Variants in SPIDR observed in about 807,000 individuals in gnomAD.
The protein encoded by SPIDR is scaffold protein involved in DNA repair, also known as DNA repair-scaffolding protein.
Under a neutral mutation model 104.6 loss-of-function variants are expected in SPIDR, and 93 were observed. That is an observed-to-expected ratio of 0.89 (90% CI 0.75 to 1.06). SPIDR has a LOEUF of 1.06. Ranked by LOEUF, SPIDR falls within the 50% of genes least tolerant of loss-of-function variation. The pLI is 0.00. For synonymous variants in SPIDR, 431 were observed against 416.9 expected, an observed-to-expected ratio of 1.03 and a Z score of -0.41; for missense variants, 1,154 against 1,111.2, an observed-to-expected ratio of 1.04 and a Z score of -0.55.
intron 8 of SPIDR, among the ~76,000 whole-genome samples, chr8:47,584,636 A>G (rs986794577): frequency 6.6e-6 from 1 of 152,244 alleles, no homozygotes; most frequent in South Asian, 2.1e-4. Context: ...TCTGCAAACT[A>G]GGAGGTTCTA....
chr8:47,548,543 G>A (rs535819365), intron 8 of SPIDR, among the ~76,000 whole-genome samples: 1 of 152,230 alleles, frequency 6.6e-6, no homozygotes, highest in Non-Finnish European at 1.5e-5. Context: ...AGCTACTCGG[G>A]AGGCTGAGGC....
chr8:47,541,060 A>G, intron 8 of SPIDR, among the ~76,000 whole-genome samples: 1 of 152,154 alleles, frequency 6.6e-6, no homozygotes, highest in East Asian at 1.9e-4. Flanking sequence ...GGGTTTTACC[A>G]TGTTGACCAG....
At chr8:47,482,299 G>A (rs972777468) in intron 8 of SPIDR, among the ~76,000 whole-genome samples, 6 of 152,088 alleles carry the variant, frequency 3.9e-5, no homozygotes, top group Non-Finnish European at 7.4e-5. Flanking sequence ...GCCGAGCATA[G>A]TGGGGTGTGC....
At chr8:47,518,401 A>C (rs192664685) in intron 8 of SPIDR, among the ~76,000 whole-genome samples, 1 of 152,196 alleles carries the variant, frequency 6.6e-6, no homozygotes, top group Admixed American at 6.5e-5. Flanking sequence ...GAAGTGTACA[A>C]ATGTTTACAG....
intron 8 of SPIDR, among the ~76,000 whole-genome samples, chr8:47,568,531 T>G (rs2058155498): frequency 6.6e-6 from 1 of 152,158 alleles, no homozygotes; most frequent in Non-Finnish European, 1.5e-5. Flanking sequence ...AAGTCTCTGG[T>G]AAATTTCAGA....
At chr8:47,424,128 C>T (rs2066029478) in intron 7 of SPIDR, among the ~76,000 whole-genome samples, 2 of 152,018 alleles carry the variant, frequency 1.3e-5, no homozygotes, top group African/African-American at 4.8e-5. Context: ...ACTTGGTGGC[C>T]CATGTTCATA....
chr8:47,490,187 G>T (rs565119706), intron 8 of SPIDR, among the ~76,000 whole-genome samples: 1 of 152,338 alleles, frequency 6.6e-6, no homozygotes, highest in East Asian at 1.9e-4. Flanking sequence ...AGTGGGCGAA[G>T]GATATGAATA....
At chr8:47,316,734 G>T (rs1164930740) in intron 5 of SPIDR, among the ~76,000 whole-genome samples, 2 of 152,164 alleles carry the variant, frequency 1.3e-5, no homozygotes, top group Non-Finnish European at 2.9e-5. Flanking sequence ...GGAACTTGCT[G>T]GGTGATAGGA....
chr8:47,480,300 A>G (rs958882084), intron 8 of SPIDR, among the ~76,000 whole-genome samples: 2 of 152,188 alleles, frequency 1.3e-5, no homozygotes, highest in Admixed American at 6.5e-5. Flanking sequence ...ATGTTACCCT[A>G]CAGTGTTCAT....
At chr8:47,695,938 C>A (rs980498853) in intron 11 of SPIDR, among the ~76,000 whole-genome samples, 14 of 152,186 alleles carry the variant, frequency 9.2e-5, no homozygotes, top group Non-Finnish European at 1.6e-4. Context: ...TTCTGAGACT[C>A]CTCTTGGGCG....
In SPIDR at chr8:47,597,790, G is replaced by T. The variant is rs1201706020; in HGVS notation, c.1294-1156G>T. Among the ~76,000 whole-genome samples the T allele has an allele frequency of 4.6e-5, 7 of 152,102 alleles. No homozygotes were observed. In the East Asian group the frequency reaches 1.3e-3, roughly 29 times the overall value. ...GATCATGTGCCAAGATGAATTTAGG[G>T]AACCACTAAAATTCACTTGCTGTGG... On this transcript the variant is annotated intron_variant, in intron 9 of 19. Transcript: ENST00000297423.
intron 1 of SPIDR, among the ~76,000 whole-genome samples, chr8:47,266,723 G>C (rs1199146784): frequency 1.3e-5 from 2 of 152,150 alleles, no homozygotes; most frequent in Admixed American, 6.5e-5. Context: ...TAATTTTGCA[G>C]TCCCATTGGC....
intron 8 of SPIDR, among the ~76,000 whole-genome samples, chr8:47,568,726 A>G (rs941877571): frequency 1.3e-5 from 2 of 152,178 alleles, no homozygotes; most frequent in South Asian, 4.2e-4. Context: ...TAAAGAAATA[A>G]TGGAGCAAAA....
At chr8:47,479,477 G>A (rs1554725669) in intron 8 of SPIDR, among the ~76,000 whole-genome samples, 7 of 152,220 alleles carry the variant, frequency 4.6e-5, no homozygotes, top group African/African-American at 1.7e-4. Context: ...CCCATAGCAG[G>A]TACAACTTCT....
intron 10 of SPIDR, among the ~76,000 whole-genome samples, chr8:47,629,920 A>C (rs370647898): frequency 6.6e-6 from 1 of 152,244 alleles, no homozygotes; most frequent in Non-Finnish European, 1.5e-5. Context: ...CTTTTTTACT[A>C]TAGTTCCAAG....
rs2086189354 is a variant in SPIDR at position 47,735,782 on chromosome 8, T to G, written c.*332T>G. ...TTGTTCATTTGTAATTTTAACAAGT[T>G]GAACATTTTACCATGATTGAACATG... On this transcript the variant is annotated 3_prime_UTR_variant, in exon 20 of 20. Coordinates refer to ENST00000297423, the MANE Select transcript of SPIDR (RefSeq NM_001080394.4). The G allele has an allele frequency of 2.0e-6, 1 of 502,070 alleles. No homozygotes were observed. Among genetic ancestry groups the G allele is most frequent in the Non-Finnish European group, 3.5e-6 (1 of 283,682 alleles). The allele number at this position is 502,070 out of a possible 1,614,324, so 31.1% of individuals were successfully genotyped here.
At chr8:47,538,477 G>A (rs910872619) in intron 8 of SPIDR, among the ~76,000 whole-genome samples, 2 of 152,144 alleles carry the variant, frequency 1.3e-5, no homozygotes, top group Non-Finnish European at 2.9e-5. Context: ...CTGGGAGGTG[G>A]AGGTTGCAAT....
chr8:47,456,741 G>A (rs2073048656), intron 8 of SPIDR, among the ~76,000 whole-genome samples: 1 of 152,040 alleles, frequency 6.6e-6, no homozygotes, highest in Non-Finnish European at 1.5e-5. Context: ...CCAATTTGTA[G>A]TCTTTTCCTC....
intron 16 of SPIDR, among the ~76,000 whole-genome samples, chr8:47,716,840 G>T (rs868324891): frequency 5.3e-5 from 8 of 152,178 alleles, no homozygotes; most frequent in African/African-American, 1.7e-4. Flanking sequence ...TGGGAGAGGG[G>T]CAGGGACCAA....
Sources: gnomAD v4.1 joint callset for allele counts (sites outside exome capture counted in the v4.1 genomes callset) on GRCh38, gnomAD v4.1.1 for gene constraint, MANE v1.5 for transcripts, NCBI Gene and HGNC (gene_info 2026-07-23, HGNC 2026-07-21) for gene names.